The following BAALC variants were observed in gnomAD, a reference collection of about 807,000 sequenced individuals.
BAALC encodes the protein BAALC binder of MAP3K1 and KLF4.
In BAALC, 9 loss-of-function variants were observed where a neutral mutation model predicts 15.5. The ratio of observed to expected loss-of-function variants is 0.58; its 90% CI spans 0.35 to 1.02. The LOEUF is 1.02. Among genes scored for constraint, BAALC ranks in the 50% least tolerant of loss-of-function variants. The pLI is 0.02. For missense variants in BAALC, 201 were observed against 192.4 expected, an observed-to-expected ratio of 1.04 and a Z score of -0.27; for synonymous variants, 80 against 74.6, an observed-to-expected ratio of 1.07 and a Z score of -0.37.
chr8:103,172,595 A>T (rs929535540), intron 1 of BAALC, among the ~76,000 whole-genome samples: 1 of 151,762 alleles, frequency 6.6e-6, no homozygotes, highest in African/African-American at 2.4e-5. Context: ...GGTTTCTACC[A>T]TGTTGGCCAG....
intron 2 of BAALC, among the ~76,000 whole-genome samples, chr8:103,214,627 A>G (rs1345143389): frequency 6.6e-6 from 1 of 152,240 alleles, no homozygotes; most frequent in African/African-American, 2.4e-5. Flanking sequence ...AAAGCTCACT[A>G]ACTAAAGGCC....
chr8:103,190,470 T>A (rs1001921980), intron 1 of BAALC, among the ~76,000 whole-genome samples: 2 of 152,214 alleles, frequency 1.3e-5, no homozygotes, highest in African/African-American at 4.8e-5. Context: ...TTCTCCTCCA[T>A]GTCTTTGAAC....
intron 1 of BAALC, among the ~76,000 whole-genome samples, chr8:103,149,219 G>T (rs1384507579): frequency 2.0e-5 from 3 of 151,898 alleles, no homozygotes; most frequent in African/African-American, 7.3e-5. Flanking sequence ...TAACCATTTA[G>T]CGTGGGAGCC....
At chr8:103,143,182 G>T (rs999465353) in intron 1 of BAALC, among the ~76,000 whole-genome samples, 2 of 152,114 alleles carry the variant, frequency 1.3e-5, no homozygotes, top group East Asian at 1.9e-4. Flanking sequence ...GTCATCTTTA[G>T]TCAGAATGGG....
intron 1 of BAALC, among the ~76,000 whole-genome samples, chr8:103,146,690 T>C (rs1031271676): frequency 6.6e-6 from 1 of 152,208 alleles, no homozygotes; most frequent in African/African-American, 2.4e-5. Flanking sequence ...CTGCTCAACT[T>C]TTTGTTGTCT....
At chr8:103,158,648 A>T (rs1399165529) in intron 1 of BAALC, among the ~76,000 whole-genome samples, 1 of 152,088 alleles carries the variant, frequency 6.6e-6, no homozygotes, top group Non-Finnish European at 1.5e-5. Context: ...TGTCTACAGC[A>T]CGGATACATA....
intron 1 of BAALC, among the ~76,000 whole-genome samples, chr8:103,171,495 A>G (rs1357021340): frequency 6.6e-6 from 1 of 152,176 alleles, no homozygotes; most frequent in South Asian, 2.1e-4. Context: ...GTCCAAATAT[A>G]TCTTCATTCA....
At chr8:103,198,688 G>A (rs1812148366) in intron 1 of BAALC, among the ~76,000 whole-genome samples, 1 of 152,020 alleles carries the variant, frequency 6.6e-6, no homozygotes, top group Non-Finnish European at 1.5e-5. Context: ...CAGATTACCT[G>A]AGGTCAGGAG....
chr8:103,226,298 G>C (rs1449585590), intron 2 of BAALC, among the ~76,000 whole-genome samples: 1 of 152,252 alleles, frequency 6.6e-6, no homozygotes, highest in Non-Finnish European at 1.5e-5. Context: ...TAAATGGCTT[G>C]TGGGAGCTGA....
chr8:103,190,972 G>T (rs1431453376), intron 1 of BAALC: 1 of 152,246 alleles, frequency 6.6e-6, no homozygotes, highest in Non-Finnish European at 1.5e-5. Flanking sequence ...GAGGCGGGGG[G>T]ACTGCCTGAG....
Position 103,177,198 on chromosome 8 carries a change from T to TTG in BAALC, c.161-35720_161-35719insGT, listed in dbSNP as rs1443691803. On this transcript the variant is annotated intron_variant, in intron 1 of 2. Transcript: ENST00000309982. ...GTTGTTGTTGTTGTTGTTTTGTTTT[T>TTG]TTTTTTTTGAGACAAGATCTCATTC... 1.6e-4 allele frequency among the ~76,000 whole-genome samples: 24 copies of TTG among 148,306 alleles called. No individual in the cohort carries two copies. In the East Asian group the frequency reaches 4.5e-3, roughly 28 times the overall value.
intron 1 of BAALC, among the ~76,000 whole-genome samples, chr8:103,179,633 A>G (rs139430858): frequency 1.6e-4 from 24 of 152,336 alleles, no homozygotes; most frequent in African/African-American, 5.1e-4. Flanking sequence ...GGTGTGTCCA[A>G]TTCAATCCTG....
chr8:103,150,377 G>T (rs1390279856), intron 1 of BAALC, among the ~76,000 whole-genome samples: 1 of 147,856 alleles, frequency 6.8e-6, no homozygotes, highest in Non-Finnish European at 1.5e-5. Flanking sequence ...GTATGGCTGG[G>T]TGTGTCTGTG....
intron 1 of BAALC, among the ~76,000 whole-genome samples, chr8:103,171,201 GAA>G (rs1178895551): frequency 2.7e-5 from 4 of 147,538 alleles, no homozygotes; most frequent in Non-Finnish European, 6.0e-5. Flanking sequence ...AGGGAGGAAG[GAA>G]AGAGAGAGAG....
intron 1 of BAALC, among the ~76,000 whole-genome samples, chr8:103,152,218 G>A (rs1375756975): frequency 1.3e-5 from 2 of 152,106 alleles, no homozygotes; most frequent in African/African-American, 2.4e-5. Context: ...CCTGCATGAC[G>A]AGGTCCCTGC....
At chr8:103,210,575 A>G (rs1430188311) in intron 1 of BAALC, among the ~76,000 whole-genome samples, 1 of 152,256 alleles carries the variant, frequency 6.6e-6, no homozygotes, top group African/African-American at 2.4e-5. Context: ...ACCCAGGGAA[A>G]GGATTTTGTT....
chr8:103,150,607 C>T (rs772953801), intron 1 of BAALC, among the ~76,000 whole-genome samples: 13 of 152,314 alleles, frequency 8.5e-5, no homozygotes, highest in South Asian at 8.3e-4. Context: ...TAATCTAACA[C>T]AATCTGCTTT....
chr8:103,173,887 T>C (rs960743915), intron 1 of BAALC, among the ~76,000 whole-genome samples: 4 of 152,274 alleles, frequency 2.6e-5, no homozygotes, highest in African/African-American at 9.6e-5. Context: ...GAGTGCAAAA[T>C]TCGTCACGGT....
intron 1 of BAALC, among the ~76,000 whole-genome samples, chr8:103,174,566 C>T (rs551627501): frequency 2.0e-4 from 31 of 152,284 alleles, no homozygotes; most frequent in African/African-American, 3.1e-4. Flanking sequence ...TGGATGAATG[C>T]ATTTGGAAAT....
Sources: gnomAD v4.1 joint callset for allele counts (sites outside exome capture counted in the v4.1 genomes callset) on GRCh38, gnomAD v4.1.1 for gene constraint, MANE v1.5 for transcripts, NCBI Gene and HGNC (gene_info 2026-07-23, HGNC 2026-07-21) for gene names.